NELL1: variants seen among roughly 807,000 people sequenced by gnomAD.
The protein encoded by NELL1 is protein kinase C-binding protein NELL1.
Under a neutral mutation model 107.4 loss-of-function variants are expected in NELL1, and 76 were observed. The observed-to-expected ratio is 0.71, with a 90% CI of 0.59 to 0.86. The LOEUF is 0.86. NELL1 is among the 40% of genes least tolerant of loss of function. NELL1 has a pLI of 0.00. For synonymous variants in NELL1, 353 were observed against 341.2 expected, an observed-to-expected ratio of 1.03 and a Z score of -0.38; for missense variants, 1,024 against 1,005.5, an observed-to-expected ratio of 1.02 and a Z score of -0.25.
chr11:21,130,855 T>C (rs1237430821), intron 13 of NELL1, among the ~76,000 whole-genome samples: 4 of 152,128 alleles, frequency 2.6e-5, no homozygotes, highest in Non-Finnish European at 5.9e-5. Flanking sequence ...GGACTGCATG[T>C]ATGAAATGCA....
At chr11:21,064,323 A>C (rs1034342898) in intron 12 of NELL1, among the ~76,000 whole-genome samples, 2 of 152,168 alleles carry the variant, frequency 1.3e-5, no homozygotes, top group Non-Finnish European at 2.9e-5. Flanking sequence ...AACGGACTAT[A>C]ACAAACAAGA....
chr11:20,971,633 C>T (rs1348587567), intron 12 of NELL1, among the ~76,000 whole-genome samples: 1 of 152,130 alleles, frequency 6.6e-6, no homozygotes, highest in African/African-American at 2.4e-5. Flanking sequence ...AGAAGAATAA[C>T]ACAGGTTTAG....
At chr11:21,175,620 T>C (rs776732832) in intron 13 of NELL1, among the ~76,000 whole-genome samples, 16 of 151,872 alleles carry the variant, frequency 1.1e-4, no homozygotes, top group Non-Finnish European at 1.9e-4. Context: ...GGTTGCTACA[T>C]AGGTATCAGT....
At chr11:20,959,070 T>C (rs1851237018) in intron 11 of NELL1, among the ~76,000 whole-genome samples, 1 of 152,228 alleles carries the variant, frequency 6.6e-6, no homozygotes, top group African/African-American at 2.4e-5. Flanking sequence ...TAAGTTTATA[T>C]AATATTCTAA....
At chr11:21,433,411 G>A (rs953525435) in intron 15 of NELL1, among the ~76,000 whole-genome samples, 2 of 152,048 alleles carry the variant, frequency 1.3e-5, no homozygotes, top group African/African-American at 4.8e-5. Flanking sequence ...GGGAATGCTG[G>A]GTCATAGGTA....
chr11:21,031,082 T>C (rs1852944177), intron 12 of NELL1, among the ~76,000 whole-genome samples: 1 of 152,196 alleles, frequency 6.6e-6, no homozygotes, highest in South Asian at 2.1e-4. Context: ...ACTTTCAATA[T>C]AATATTCTTT....
chr11:21,365,897 G>A (rs1329521893), intron 14 of NELL1, among the ~76,000 whole-genome samples: 1 of 152,078 alleles, frequency 6.6e-6, no homozygotes, highest in Non-Finnish European at 1.5e-5. Flanking sequence ...ATTGTGTAAA[G>A]TTGGGGCAGA....
intron 14 of NELL1, among the ~76,000 whole-genome samples, chr11:21,259,661 T>C (rs1255410176): frequency 6.6e-6 from 1 of 151,972 alleles, no homozygotes; most frequent in Middle Eastern, 3.4e-3. Context: ...TACACTGGTG[T>C]TTTACAGAGA....
chr11:21,549,555 A>G (rs777963925), intron 16 of NELL1, among the ~76,000 whole-genome samples: 2 of 151,830 alleles, frequency 1.3e-5, no homozygotes, highest in African/African-American at 2.4e-5. Flanking sequence ...GGTGTCTGAC[A>G]CAGCAAATCA....
At chr11:21,114,916 T>C (rs1855195039) in intron 13 of NELL1, among the ~76,000 whole-genome samples, 1 of 152,052 alleles carries the variant, frequency 6.6e-6, no homozygotes, top group African/African-American at 2.4e-5. Context: ...TAATACTAAA[T>C]GTGGCTCTTA....
chr11:20,986,536 G>A (rs1851856556), intron 12 of NELL1, among the ~76,000 whole-genome samples: 2 of 152,124 alleles, frequency 1.3e-5, no homozygotes, highest in Non-Finnish European at 1.5e-5. Flanking sequence ...ATTTCCATGT[G>A]CATCAAAATC....
chr11:20,898,131 C>T (rs986402335), intron 5 of NELL1, among the ~76,000 whole-genome samples: 35 of 152,148 alleles, frequency 2.3e-4, no homozygotes, highest in East Asian at 5.8e-4. Flanking sequence ...ATATGTTTAT[C>T]GCAGCACTAT....
chr11:20,754,507 C>G (rs952651533), intron 2 of NELL1, among the ~76,000 whole-genome samples: 6 of 152,140 alleles, frequency 3.9e-5, no homozygotes, highest in African/African-American at 1.4e-4. Flanking sequence ...AGGTCACCTG[C>G]TCCTAGAATT....
chr11:21,408,845 G>T (rs933406301), intron 15 of NELL1, among the ~76,000 whole-genome samples: 13 of 151,910 alleles, frequency 8.6e-5, no homozygotes, highest in Non-Finnish European at 1.9e-4. Flanking sequence ...CACCATCACT[G>T]GCCATCAGAG....
intron 2 of NELL1, among the ~76,000 whole-genome samples, chr11:20,689,120 G>T (rs1474763301): frequency 2.0e-5 from 3 of 151,818 alleles, no homozygotes; most frequent in African/African-American, 7.3e-5. Flanking sequence ...TTTTAATATT[G>T]TTATTTGGTT....
At chr11:20,991,379 T>C (rs969427525) in intron 12 of NELL1, among the ~76,000 whole-genome samples, 2 of 152,246 alleles carry the variant, frequency 1.3e-5, no homozygotes, top group African/African-American at 2.4e-5. Flanking sequence ...TCAACCCTTA[T>C]TGAGTGCCTT....
chr11:21,316,153 C>A (rs1001135958), intron 14 of NELL1, among the ~76,000 whole-genome samples: 3 of 152,054 alleles, frequency 2.0e-5, no homozygotes, highest in Admixed American at 2.0e-4. Flanking sequence ...TCATCCACAG[C>A]TTGAATCCCT....
In NELL1 at chr11:20,783,814, C is replaced by T. The variant is rs766250780; in HGVS notation, c.319C>T (p.Arg107Ter). 6.8e-6 allele frequency: 11 copies of T among 1,612,210 alleles called. No individual in the cohort carries two copies. Among genetic ancestry groups the T allele is most frequent in the South Asian group, 2.2e-5 (2 of 90,548 alleles). ...PSTSGVILSI[R>*]ELEHSYFELE... ...CACTTCAGGAGTGATACTGTCCATTCGAGAACTGGAGCACAGGTAAGAAAG... is the reference window on the plus strand; with the variant it reads ...CACTTCAGGAGTGATACTGTCCATTTGAGAACTGGAGCACAGGTAAGAAAG... Residue 107 changes from arginine to a stop codon, truncating the protein, a stop_gained, in exon 3 of 20, where the codon CGA becomes TGA. Transcript: ENST00000357134. LOFTEE classifies it high-confidence loss of function.
intron 13 of NELL1, among the ~76,000 whole-genome samples, chr11:21,187,184 G>C (rs1210161420): frequency 1.3e-5 from 2 of 151,764 alleles, no homozygotes; most frequent in East Asian, 3.9e-4. Context: ...GATCCTATTG[G>C]GGTTAGTCAA....
Sources: allele counts gnomAD v4.1 joint callset (sites outside exome capture counted in the v4.1 genomes callset), GRCh38; gene constraint gnomAD v4.1.1; transcripts MANE v1.5; gene names NCBI Gene and HGNC (gene_info 2026-07-23, HGNC 2026-07-21).